Variants in DOCK1 observed in about 807,000 individuals in gnomAD.
DOCK1 encodes dedicator of cytokinesis 1.
In DOCK1, 138 loss-of-function variants were observed where a neutral mutation model predicts 262.7. That is an observed-to-expected ratio of 0.53 (90% CI 0.46 to 0.61). The LOEUF (loss-of-function observed/expected upper bound fraction) is 0.61, where lower values mean the gene tolerates loss of function less well. DOCK1 is among the 20% of genes least tolerant of loss of function. The pLI, the probability that DOCK1 is intolerant of heterozygous loss-of-function variation, is 0.00. For synonymous variants in DOCK1, 866 were observed against 867.4 expected, an observed-to-expected ratio of 1.00 and a Z score of 0.03; for missense variants, 1,908 against 2,370.7, an observed-to-expected ratio of 0.80 and a Z score of 4.05.
intron 27 of DOCK1, among the ~76,000 whole-genome samples, chr10:127,156,973 T>C (rs571787059): frequency 2.0e-4 from 30 of 152,332 alleles, no homozygotes; most frequent in African/African-American, 7.0e-4. Flanking sequence ...AGTTATTAAG[T>C]ACATACTAAG....
intron 23 of DOCK1, among the ~76,000 whole-genome samples, chr10:127,084,669 A>G (rs10829330): frequency 0.24 from 36,083 of 152,110 alleles, 6,080 homozygotes; most frequent in African/African-American, 0.48. Context: ...TACATGAGGG[A>G]ATGGAGCTCA....
At chr10:127,161,055 C>T (rs2053551314) in intron 27 of DOCK1, among the ~76,000 whole-genome samples, 1 of 152,168 alleles carries the variant, frequency 6.6e-6, no homozygotes, top group Non-Finnish European at 1.5e-5. Context: ...TGATTCCCTC[C>T]TATGTTTGAG....
chr10:127,276,374 G>A (rs958720397), intron 29 of DOCK1, among the ~76,000 whole-genome samples: 3 of 152,142 alleles, frequency 2.0e-5, no homozygotes, highest in Admixed American at 2.0e-4. Flanking sequence ...GGGGACAGGG[G>A]GGACAGGCAG....
At position 127,362,170 on chromosome 10, in the gene DOCK1, T is replaced by C. The variant is rs1590692658; in HGVS notation, c.3390T>C (p.Asp1130=). ...LRKATIPIFF[D]MMQCEFHSTR... ...AAGCCACCATCCCCATCTTCTTTGATATGATGCAGTGTGAATTCCATTCGA... is the reference window on the plus strand; with the variant it reads ...AAGCCACCATCCCCATCTTCTTTGACATGATGCAGTGTGAATTCCATTCGA... The change falls in exon 33 of 52, where the codon GAT becomes GAC. Residue 1130 remains aspartate (D), a synonymous_variant. Transcript: ENST00000623213. 6.2e-7 allele frequency: 1 copy of C among 1,613,928 alleles called. No individual in the cohort carries two copies. The highest frequency in any genetic ancestry group is 8.5e-7 in the Non-Finnish European group (1 of 1,179,884).
intron 11 of DOCK1, 48 bp downstream of exon 11, chr10:127,008,852 CAT>C: frequency 7.0e-7 from 1 of 1,424,208 alleles, no homozygotes; most frequent in Non-Finnish European, 9.7e-7. Context: ...ATGTGGAAAA[CAT>C]AGGCTTGTAA....
At chr10:127,076,293 A>ACC (rs2046537323) in intron 23 of DOCK1, among the ~76,000 whole-genome samples, 1 of 152,204 alleles carries the variant, frequency 6.6e-6, no homozygotes, top group Non-Finnish European at 1.5e-5. Context: ...CAAGGTCAGT[A>ACC]GATCAAGACC....
intron 31 of DOCK1, among the ~76,000 whole-genome samples, chr10:127,348,983 T>C (rs2063763134): frequency 6.6e-6 from 1 of 152,248 alleles, no homozygotes; most frequent in East Asian, 1.9e-4. Context: ...AGAAGGAGAC[T>C]CAGGGAGTTA....
intron 29 of DOCK1, among the ~76,000 whole-genome samples, chr10:127,300,225 C>T (rs2061635332): frequency 1.3e-5 from 2 of 152,192 alleles, no homozygotes; most frequent in South Asian, 4.1e-4. Context: ...GCCTAGAGAC[C>T]ACCATGCAAA....
At chr10:127,319,056 C>G (rs1464127058) in intron 29 of DOCK1, among the ~76,000 whole-genome samples, 1 of 152,174 alleles carries the variant, frequency 6.6e-6, no homozygotes, top group Non-Finnish European at 1.5e-5. Flanking sequence ...TGCCTCCTCT[C>G]TACCACACAA....
At chr10:127,285,853 G>A (rs1157176244) in intron 29 of DOCK1, among the ~76,000 whole-genome samples, 1 of 152,142 alleles carries the variant, frequency 6.6e-6, no homozygotes. Context: ...GGAATCACCT[G>A]AAAGACCTCT....
chr10:127,002,930 G>A (rs1236856295), intron 10 of DOCK1, among the ~76,000 whole-genome samples: 1 of 152,234 alleles, frequency 6.6e-6, no homozygotes, highest in Admixed American at 6.5e-5. Flanking sequence ...CGTCTTGCTC[G>A]TGAATTTTCC....
chr10:126,975,100 G>A (rs908371312), intron 2 of DOCK1, among the ~76,000 whole-genome samples: 6 of 152,186 alleles, frequency 3.9e-5, no homozygotes, highest in South Asian at 2.1e-4. Flanking sequence ...TTTAACAGAT[G>A]TAAGTGTGTC....
intron 29 of DOCK1, among the ~76,000 whole-genome samples, chr10:127,281,667 C>A (rs1328960213): frequency 2.0e-5 from 3 of 152,096 alleles, no homozygotes; most frequent in African/African-American, 7.2e-5. Flanking sequence ...ACCCCAGGGG[C>A]TTGTGGCAGT....
intron 43 of DOCK1, among the ~76,000 whole-genome samples, chr10:127,411,712 C>T (rs756356408): frequency 3.3e-5 from 5 of 151,936 alleles, no homozygotes; most frequent in South Asian, 2.1e-4. Flanking sequence ...TGGTGGTGCA[C>T]GCCTGTAATC....
intron 26 of DOCK1, among the ~76,000 whole-genome samples, chr10:127,126,005 AAGG>A (rs1273547686): frequency 1.3e-5 from 2 of 152,152 alleles, no homozygotes; most frequent in South Asian, 2.1e-4. Context: ...AGGGAGTCGT[AAGG>A]AGAAGAGCAG....
At chr10:126,917,329 G>C (rs1377262190) in intron 1 of DOCK1, among the ~76,000 whole-genome samples, 1 of 152,316 alleles carries the variant, frequency 6.6e-6, no homozygotes, top group Admixed American at 6.5e-5. Flanking sequence ...GTAATGAACT[G>C]TCGATGTTGT....
At chr10:127,090,674 C>T (rs548695561) in intron 23 of DOCK1, among the ~76,000 whole-genome samples, 7 of 152,302 alleles carry the variant, frequency 4.6e-5, no homozygotes, top group South Asian at 4.1e-4. Context: ...CTTCACACTG[C>T]CTGGCAACCA....
At chr10:126,927,898 C>G (rs1437135226) in intron 1 of DOCK1, among the ~76,000 whole-genome samples, 1 of 152,062 alleles carries the variant, frequency 6.6e-6, no homozygotes, top group Non-Finnish European at 1.5e-5. Context: ...TGGGGCCAGG[C>G]AGTTACCATG....
chr10:127,280,443 T>A (rs2060919039), intron 29 of DOCK1, among the ~76,000 whole-genome samples: 1 of 152,160 alleles, frequency 6.6e-6, no homozygotes, highest in Non-Finnish European at 1.5e-5. Context: ...ATACCCACAT[T>A]TCACGCAGCA....
Sources: gnomAD v4.1 joint callset for allele counts (sites outside exome capture counted in the v4.1 genomes callset) on GRCh38, gnomAD v4.1.1 for gene constraint, MANE v1.5 for transcripts, NCBI Gene and HGNC (gene_info 2026-07-23, HGNC 2026-07-21) for gene names.